Variants in PLEKHA6 observed in about 807,000 individuals in gnomAD.
The protein encoded by PLEKHA6 is pleckstrin homology domain containing A6, also known as pleckstrin homology domain-containing family A member 6.
In PLEKHA6, 60 loss-of-function variants were observed where a neutral mutation model predicts 116.7. The ratio of observed to expected loss-of-function variants is 0.51; its 90% confidence interval spans 0.42 to 0.64. The LOEUF is 0.64. PLEKHA6 is among the 30% of genes least tolerant of loss of function. The pLI is 0.00. For synonymous variants in PLEKHA6, 489 were observed against 556.1 expected (o/e 0.88, Z 1.70); for missense variants, 1,338 against 1,422.7 (o/e 0.94, Z 0.96).
chr1:204,229,810 T>C (rs1473763724), intron 18 of PLEKHA6, among the ~76,000 whole-genome samples: 1 of 152,236 alleles, frequency 6.6e-6, no homozygotes, highest in Non-Finnish European at 1.5e-5. Context: ...AATTTTTCCA[T>C]ATTTCTAAAA....
At chr1:204,352,258 C>T (rs2103367071) in intron 1 of PLEKHA6, among the ~76,000 whole-genome samples, 1 of 151,790 alleles carries the variant, frequency 6.6e-6, no homozygotes, top group African/African-American at 2.4e-5. Flanking sequence ...CCTTGTAATC[C>T]CAGCTACTCA....
chr1:204,373,063 A>T, intron 1 of PLEKHA6, among the ~76,000 whole-genome samples: 1 of 143,068 alleles, frequency 7.0e-6, no homozygotes. Flanking sequence ...ATGTACCACC[A>T]TGTCTGGCTA....
rs1660757066 is a variant in PLEKHA6, at chr1:204,228,897, C to T, written c.2752-36G>A. The T allele has an allele frequency of 1.2e-6, 2 of 1,613,942 alleles. No individual in the cohort carries two copies. Among genetic ancestry groups the T allele is most frequent in the African/African-American group, 2.7e-5 (2 of 74,882 alleles). ...GCTGGGGTCACCACCTCTGTCCCTT[C>T]CCAGAGTCTCCCACTACAGCCCTTC... On this transcript the variant is annotated intron_variant, in intron 19 of 22. Transcript: ENST00000272203. The surrounding 1 kb of genome is among the most constrained non-coding windows in gnomAD (Gnocchi z 4.0).
chr1:204,332,697 G>A (rs1672499885), intron 1 of PLEKHA6, among the ~76,000 whole-genome samples: 1 of 152,028 alleles, frequency 6.6e-6, no homozygotes, highest in South Asian at 2.1e-4. Flanking sequence ...CACTCTTTAG[G>A]CACTAAGGAA....
At chr1:204,290,523 G>A (rs934998940) in intron 1 of PLEKHA6, among the ~76,000 whole-genome samples, 8 of 152,094 alleles carry the variant, frequency 5.3e-5, no homozygotes, top group East Asian at 1.9e-4. Context: ...AACTCAAAAC[G>A]GACCATAGAC....
chr1:204,229,540 A>G (rs1235885443), intron 18 of PLEKHA6, among the ~76,000 whole-genome samples: 3 of 152,210 alleles, frequency 2.0e-5, no homozygotes, highest in East Asian at 1.9e-4. Context: ...CCTCCTCCCA[A>G]GTAGCTGGGA....
At chr1:204,230,193 C>T (rs890125440) in intron 18 of PLEKHA6, among the ~76,000 whole-genome samples, 39 of 152,324 alleles carry the variant, frequency 2.6e-4, no homozygotes, top group Non-Finnish European at 1.6e-4. Context: ...TAAGGCATTC[C>T]TTTTTGTGAG....
intron 1 of PLEKHA6, among the ~76,000 whole-genome samples, chr1:204,302,616 C>T (rs774991099): frequency 2.6e-5 from 4 of 152,202 alleles, no homozygotes; most frequent in Middle Eastern, 3.2e-3. Context: ...GTGGCTCACG[C>T]CTATAATACC....
At chr1:204,376,687 T>C (rs1005216206) in intron 1 of PLEKHA6, among the ~76,000 whole-genome samples, 4 of 152,214 alleles carry the variant, frequency 2.6e-5, no homozygotes, top group Non-Finnish European at 5.9e-5. Context: ...CTTAGACCGG[T>C]ACTTCAATAT....
chr1:204,356,000 CAA>C (rs199652785), intron 1 of PLEKHA6, among the ~76,000 whole-genome samples: 1,188 of 47,734 alleles, frequency 0.025, 24 homozygotes, highest in African/African-American at 0.045. Context: ...CACACACACA[CAA>C]AAAAAATCCA....
chr1:204,337,256 C>G (rs1672680845), intron 1 of PLEKHA6, among the ~76,000 whole-genome samples: 1 of 152,146 alleles, frequency 6.6e-6, no homozygotes, highest in African/African-American at 2.4e-5. Context: ...TCCTCCCTTC[C>G]CAGGCAATGC....
chr1:204,241,388 C>T lies in PLEKHA6; in HGVS notation c.2396G>A (p.Gly799Glu), dbSNP rs774952888. Residue 799 changes from glycine (G) to glutamate (E), a missense_variant, in exon 17 of 23, where the codon GGA becomes GAA. This residue lies in a region of PLEKHA6 where 1,136 missense variants were observed against 1,163.6 expected (regional missense o/e 0.98). Coordinates refer to ENST00000272203, the MANE Select transcript of PLEKHA6 (RefSeq NM_014935.5). ...VRRNASGLTN[G>E]LSSQERPKSA... ...AGAGGTACCCACCTGGGAGGAGAGT[C>T]CATTGGTGAGCCCACTGGCATTCCT... 5 of 1,607,924 alleles carry T rather than the reference C, an allele frequency of 3.1e-6. No homozygotes were observed. Among genetic ancestry groups the T allele is most frequent in the South Asian group, 1.1e-5 (1 of 90,398 alleles).
chr1:204,358,348 CA>C (rs773244229), intron 1 of PLEKHA6, among the ~76,000 whole-genome samples: 9 of 152,330 alleles, frequency 5.9e-5, no homozygotes, highest in Admixed American at 3.9e-4. Context: ...ACCTCCCCTC[CA>C]CCAGCAGGGT....
At chr1:204,359,667 CTA>C (rs1313994590) in intron 1 of PLEKHA6, 25 bp downstream of exon 1, 15 of 983,228 alleles carry the variant, frequency 1.5e-5, no homozygotes, top group Non-Finnish European at 1.7e-5. Context: ...CCCACCTCAT[CTA>C]TGTGATGCAT....
At chr1:204,292,530 C>T (rs771453679) in intron 1 of PLEKHA6, among the ~76,000 whole-genome samples, 22 of 150,374 alleles carry the variant, frequency 1.5e-4, no homozygotes, top group East Asian at 3.9e-4. Flanking sequence ...CCCTGGCTGA[C>T]GCCCACCTAT....
upstream of PLEKHA6, among the ~76,000 whole-genome samples, chr1:204,363,818 G>A (rs1425052448): frequency 6.6e-6 from 1 of 152,066 alleles, no homozygotes; most frequent in Non-Finnish European, 1.5e-5. Context: ...AGCCTTGTGG[G>A]GCCATCATGT....
At chr1:204,307,848 C>G in intron 1 of PLEKHA6, 2 of 985,194 alleles carry the variant, frequency 2.0e-6, no homozygotes, top group Non-Finnish European at 2.4e-6. Context: ...CCCAACCCCT[C>G]CAGCAGTTCA....
rs554909315 is a variant in PLEKHA6 at position 204,359,856 on chromosome 1, T to G, written c.-257A>C. 1 of 194,102 alleles carries G rather than the reference T, an allele frequency of 5.2e-6. No individual in the cohort carries two copies. The highest frequency in any genetic ancestry group is 6.5e-5 in the Admixed American group (1 of 15,350). 12.0% of individuals were successfully genotyped at this position (194,102 alleles called of 1,614,324 possible). Reference sequence around the variant, plus strand: ...CTAATCTGATCTAATCAGTCATCTCTCCGGCTGGCAGGTCCCTGGCGCAGG... The same window carrying G: ...CTAATCTGATCTAATCAGTCATCTCGCCGGCTGGCAGGTCCCTGGCGCAGG... On this transcript the variant is annotated 5_prime_UTR_variant, in exon 1 of 23. Transcript: ENST00000272203.
At chr1:204,231,185 C>G (rs1038559602) in intron 17 of PLEKHA6, among the ~76,000 whole-genome samples, 2 of 152,104 alleles carry the variant, frequency 1.3e-5, no homozygotes, top group East Asian at 3.8e-4. Flanking sequence ...AATTGGCTAA[C>G]GGGTAGAGGT....
Sources: gnomAD v4.1 joint callset for allele counts (sites outside exome capture counted in the v4.1 genomes callset) on GRCh38, gnomAD v4.1.1 for gene constraint, gnomAD v4.1.1 regional missense constraint, Gnocchi (gnomAD v3.1) non-coding constraint, MANE v1.5 for transcripts, NCBI Gene and HGNC (gene_info 2026-07-23, HGNC 2026-07-21) for gene names.